The following HTATIP2 variants were observed in gnomAD, a reference collection of about 807,000 sequenced individuals.
HTATIP2 encodes protein HTATIP2.
A neutral mutation model predicts 24.7 loss-of-function variants in HTATIP2; 26 were observed. The ratio of observed to expected loss-of-function variants is 1.05; its 90% confidence interval spans 0.77 to 1.46. HTATIP2 has a LOEUF of 1.46. Among genes scored for constraint, HTATIP2 ranks in the 40% most tolerant of loss-of-function variants. The pLI is 0.00. For missense variants in HTATIP2, 284 were observed against 289.6 expected (o/e 0.98, Z 0.14); for synonymous variants, 99 against 113.2 (o/e 0.87, Z 0.79).
rs1848448626 is a variant in HTATIP2, at chr11:20,376,486, T to C, written c.304-94T>C. Reference sequence around the variant, plus strand: ...CACATTTTATTTAGATCTCCATCCTTCTAGGCCTCCCAGCCTGCTACCCAA... The same window carrying C: ...CACATTTTATTTAGATCTCCATCCTCCTAGGCCTCCCAGCCTGCTACCCAA... On this transcript the variant is annotated intron_variant, in intron 2 of 4. Coordinates refer to ENST00000451739, the MANE Select transcript of HTATIP2 (RefSeq NM_001098522.2). The C allele has an allele frequency of 4.5e-6, 6 of 1,347,098 alleles. No homozygotes were observed. The East Asian group carries it at 1.1e-4, about 26-fold the overall frequency. 83.4% of individuals were successfully genotyped at this position (1,347,098 alleles called of 1,614,324 possible). A position where few individuals can be genotyped will look rare whatever the true frequency, so the allele number is the denominator to read the frequency against.
At chr11:20,365,268 C>T (rs949000599) in intron 1 of HTATIP2, among the ~76,000 whole-genome samples, 14 of 152,280 alleles carry the variant, frequency 9.2e-5, no homozygotes, top group African/African-American at 2.9e-4. Context: ...CGATTACAGG[C>T]GTGAGCCACC....
At chr11:20,371,994 G>C (rs1449785895) in intron 2 of HTATIP2, among the ~76,000 whole-genome samples, 1 of 152,080 alleles carries the variant, frequency 6.6e-6, no homozygotes, top group Non-Finnish European at 1.5e-5. Context: ...TAATTTATAG[G>C]GTTGGATTGA....
intron 2 of HTATIP2, among the ~76,000 whole-genome samples, chr11:20,374,854 G>A (rs1045667659): frequency 6.6e-6 from 1 of 152,080 alleles, no homozygotes; most frequent in African/African-American, 2.4e-5. Context: ...TGTTGTTGTT[G>A]TTTTAGCATG....
intron 2 of HTATIP2, among the ~76,000 whole-genome samples, chr11:20,370,895 C>T (rs564284124): frequency 1.1e-3 from 167 of 152,240 alleles, no homozygotes; most frequent in African/African-American, 3.7e-3. Context: ...GTGATCTGCC[C>T]GTCTTGGCCT....
intron 2 of HTATIP2, among the ~76,000 whole-genome samples, chr11:20,374,236 T>C (rs746579325): frequency 1.4e-4 from 21 of 152,220 alleles, no homozygotes; most frequent in Non-Finnish European, 2.5e-4. Flanking sequence ...TATACTTATG[T>C]TTACTTTTAT....
intron 3 of HTATIP2, among the ~76,000 whole-genome samples, chr11:20,380,671 C>CAA (rs35392320): frequency 0.32 from 26,380 of 81,726 alleles, 5,982 homozygotes; most frequent in Non-Finnish European, 0.46. Context: ...GACTCCATCT[C>CAA]AAAAAAAAAA....
In HTATIP2 at chr11:20,363,978, G is replaced by T; in HGVS notation, c.-260G>T. 8.0e-7 allele frequency: 1 copy of T among 1,254,132 alleles called. No homozygotes were observed. The highest frequency in any genetic ancestry group is 3.1e-5 in the East Asian group (1 of 32,150). The allele number at this position is 1,254,132 out of a possible 1,614,324, so 77.7% of individuals were successfully genotyped here. ...CTGGCCGGGCCGGGGATACCGTGGG[G>T]TATGCCCAGTGATGCCAGCAGCTTG... On this transcript the variant is annotated 5_prime_UTR_variant, in exon 1 of 5. Coordinates refer to ENST00000451739, the MANE Select transcript of HTATIP2 (RefSeq NM_001098522.2).
At chr11:20,375,651 TA>T (rs1848433210) in intron 2 of HTATIP2, among the ~76,000 whole-genome samples, 1 of 152,212 alleles carries the variant, frequency 6.6e-6, no homozygotes, top group African/African-American at 2.4e-5. Context: ...TAATTGTGAC[TA>T]CCTATAAAGT....
intron 2 of HTATIP2, chr11:20,376,143 T>G: frequency 5.7e-6 from 1 of 175,518 alleles, no homozygotes; most frequent in Non-Finnish European, 1.2e-5. Context: ...TAAATAGACT[T>G]TGTTCTCTTA....
intron 2 of HTATIP2, among the ~76,000 whole-genome samples, chr11:20,369,105 A>G (rs1055126405): frequency 1.3e-5 from 2 of 152,200 alleles, no homozygotes; most frequent in Admixed American, 1.3e-4. Flanking sequence ...TGTACAATAT[A>G]AAGTTGGGAG....
At chr11:20,369,184 G>A (rs1669602651) in intron 2 of HTATIP2, among the ~76,000 whole-genome samples, 1 of 152,330 alleles carries the variant, frequency 6.6e-6, no homozygotes, top group African/African-American at 2.4e-5. Flanking sequence ...AGTGTTTTAA[G>A]TGGAGGTTGT....
intron 4 of HTATIP2, among the ~76,000 whole-genome samples, chr11:20,382,565 A>G (rs1235559695): frequency 3.3e-5 from 5 of 152,040 alleles, no homozygotes; most frequent in Non-Finnish European, 7.4e-5. Flanking sequence ...GGTGTCTTAA[A>G]CAACAGAAAT....
intron 2 of HTATIP2, among the ~76,000 whole-genome samples, chr11:20,371,865 C>G (rs1030208936): frequency 1.3e-5 from 2 of 152,172 alleles, no homozygotes; most frequent in African/African-American, 4.8e-5. Flanking sequence ...CAGAACTTCT[C>G]TAACCAAGAT....
intron 2 of HTATIP2, among the ~76,000 whole-genome samples, chr11:20,371,983 CTA>C (rs1299758856): frequency 6.6e-6 from 1 of 152,032 alleles, no homozygotes; most frequent in Non-Finnish European, 1.5e-5. Context: ...GTTTTCTAGT[CTA>C]ATTTATAGGG....
chr11:20,372,452 G>A (rs2064781786), intron 2 of HTATIP2, among the ~76,000 whole-genome samples: 1 of 152,210 alleles, frequency 6.6e-6, no homozygotes, highest in Non-Finnish European at 1.5e-5. Context: ...TTGATGTTGT[G>A]GAGCCTATGA....
intron 4 of HTATIP2, 95 bp from the exon 5 acceptor site, chr11:20,382,885 G>C (rs371044234): frequency 1.3e-6 from 1 of 796,896 alleles, no homozygotes. Flanking sequence ...AATATTGAGG[G>C]GATACAGTTT....
At chr11:20,364,469 G>A in intron 1 of HTATIP2, 37 bp downstream of exon 1, 1 of 1,530,994 alleles carries the variant, frequency 6.5e-7, no homozygotes, top group Non-Finnish European at 8.9e-7. Flanking sequence ...GGACCCCCAG[G>A]ATTCTGCGAG....
intron 3 of HTATIP2, among the ~76,000 whole-genome samples, chr11:20,380,527 C>G (rs2133279022): frequency 1.3e-5 from 2 of 152,146 alleles, no homozygotes; most frequent in South Asian, 4.2e-4. Flanking sequence ...AAAAAATTAG[C>G]CGGGCGTGAT....
intron 2 of HTATIP2, among the ~76,000 whole-genome samples, chr11:20,372,930 C>G (rs1484407645): frequency 3.9e-5 from 6 of 152,048 alleles, no homozygotes; most frequent in African/African-American, 1.4e-4. Context: ...AGCTGTTGAC[C>G]CTTTTGCTTT....
Sources: gnomAD v4.1 joint callset for allele counts (sites outside exome capture counted in the v4.1 genomes callset) on GRCh38, gnomAD v4.1.1 for gene constraint, MANE v1.5 for transcripts, NCBI Gene and HGNC (gene_info 2026-07-23, HGNC 2026-07-21) for gene names.